FSCN1: variants seen among roughly 807,000 people sequenced by gnomAD.
FSCN1 encodes fascin actin-bundling protein 1, also known as fascin.
Under a neutral mutation model 39.7 loss-of-function variants are expected in FSCN1, and 10 were observed. The ratio of observed to expected loss-of-function variants is 0.25; its 90% CI spans 0.16 to 0.43. FSCN1 has a LOEUF of 0.43. FSCN1 is among the 20% of genes least tolerant of loss of function. The pLI, the probability that FSCN1 is intolerant of heterozygous loss-of-function variation, is 1.00. For missense variants in FSCN1, 525 were observed against 723.8 expected, an observed-to-expected ratio of 0.73 and a Z score of 3.15; for synonymous variants, 322 against 320.0, an observed-to-expected ratio of 1.01 and a Z score of -0.07.
intron 1 of FSCN1, among the ~76,000 whole-genome samples, chr7:5,596,279 A>AG (rs1207619952): frequency 6.6e-6 from 1 of 151,720 alleles, no homozygotes; most frequent in Non-Finnish European, 1.5e-5. Context: ...CTTAGCTGGC[A>AG]GGGGGGATGT....
Position 5,604,009 on chromosome 7 carries a change from G to T in FSCN1, c.1258G>T (p.Asp420Tyr), listed in dbSNP as rs369086654. The change falls in exon 4 of 5, where the codon GAT becomes TAT. Residue 420 changes from aspartate (D) to tyrosine (Y), a missense_variant. Transcript: ENST00000382361. ...TGACGTCTTCCAGCTGGAGTTCAAC[G>T]ATGGCGCCTACAACATCAAAGGCAG... The part of the protein sequence containing the change: ...SYDVFQLEFN[D>Y]GAYNIKDSTG... The T allele has an allele frequency of 6.2e-7, 1 of 1,613,592 alleles. No individual in the cohort carries two copies. Among genetic ancestry groups the T allele is most frequent in the African/African-American group, 1.3e-5 (1 of 74,920 alleles).
At position 5,603,154 on chromosome 7, in the gene FSCN1, G is replaced by A. The variant is rs909730341; in HGVS notation, c.833-103G>A. 1.9e-5 allele frequency: 25 copies of A among 1,346,224 alleles called. No individual in the cohort carries two copies. The highest frequency in any genetic ancestry group is 6.9e-5 in the East Asian group (3 of 43,512). The allele number at this position is 1,346,224 out of a possible 1,614,324, so 83.4% of individuals were successfully genotyped here. A position where few individuals can be genotyped will look rare whatever the true frequency, so the allele number is the denominator to read the frequency against. ...GGGACTCGGCCGCCCACCCCACCCC[G>A]TGGTGTTACCTTGCGTGTGTAGTTC... is the stretch of plus-strand genomic sequence containing the variant. On this transcript the variant is annotated intron_variant, in intron 1 of 4. Coordinates refer to ENST00000382361, the MANE Select transcript of FSCN1 (RefSeq NM_003088.4). The surrounding 1 kb of genome is among the most constrained non-coding windows in gnomAD (Gnocchi z 8.5).
At chr7:5,597,543 T>C (rs1785751984) in intron 1 of FSCN1, among the ~76,000 whole-genome samples, 1 of 151,842 alleles carries the variant, frequency 6.6e-6, no homozygotes, top group Admixed American at 6.6e-5. Flanking sequence ...GGCGCATGCC[T>C]GTAATCCCAG....
intron 1 of FSCN1, 122 bp downstream of exon 1, chr7:5,593,890 T>G (rs1785679213): frequency 2.9e-6 from 2 of 689,894 alleles, no homozygotes; most frequent in Non-Finnish European, 2.3e-6. Flanking sequence ...CACTGCCCAT[T>G]GCGCCCCCGC....
At chr7:5,596,770 A>G (rs1309803146) in intron 1 of FSCN1, among the ~76,000 whole-genome samples, 1 of 152,220 alleles carries the variant, frequency 6.6e-6, no homozygotes, top group Non-Finnish European at 1.5e-5. Context: ...GATGTGTAAG[A>G]GTTCTCCCCA....
chr7:5,605,575 C>T lies in FSCN1; in HGVS notation c.*101C>T, dbSNP rs1363571237. ...GGTGGGCTCCAGGGCGGGAGGCAAG[C>T]CCCCTTGCCTTTCAAACTGGAAACC... is the stretch of plus-strand genomic sequence containing the variant. On this transcript the variant is annotated 3_prime_UTR_variant, in exon 5 of 5. Transcript: ENST00000382361. This position sits in a 1 kb window ranked among gnomAD's most constrained non-coding sequence, Gnocchi z 6.9. The T allele has an allele frequency of 3.4e-6, 3 of 870,456 alleles. No individual in the cohort carries two copies. The highest frequency in any genetic ancestry group is 5.2e-6 in the Non-Finnish European group (3 of 579,706). The allele number at this position is 870,456 out of a possible 1,614,324, so 53.9% of individuals were successfully genotyped here.
At chr7:5,596,294 C>A (rs1437553446) in intron 1 of FSCN1, among the ~76,000 whole-genome samples, 1 of 152,168 alleles carries the variant, frequency 6.6e-6, no homozygotes, top group East Asian at 1.9e-4. Context: ...GGATGTGAAT[C>A]ATCTCTGCAG....
At position 5,603,228 on chromosome 7, in the gene FSCN1, A is replaced by G; in HGVS notation, c.833-29A>G. On this transcript the variant is annotated intron_variant, in intron 1 of 4. Coordinates refer to ENST00000382361, the MANE Select transcript of FSCN1 (RefSeq NM_003088.4). The surrounding 1 kb of genome is among the most constrained non-coding windows in gnomAD (Gnocchi z 8.5). Reference sequence around the variant, plus strand: ...CCAGAACTAGGGGGCGTGGGGCCCCAGTACCAGCCCAAGGCCTCCTCTCTG... The same window carrying G: ...CCAGAACTAGGGGGCGTGGGGCCCCGGTACCAGCCCAAGGCCTCCTCTCTG... The G allele has an allele frequency of 1.2e-6, 2 of 1,610,530 alleles. No individual in the cohort carries two copies. The highest frequency in any genetic ancestry group is 1.7e-6 in the Non-Finnish European group (2 of 1,179,522).
At chr7:5,600,219 C>T (rs970677048) in intron 1 of FSCN1, among the ~76,000 whole-genome samples, 8 of 152,008 alleles carry the variant, frequency 5.3e-5, no homozygotes, top group African/African-American at 1.7e-4. Flanking sequence ...TGAGACCGGC[C>T]TGGCCAACAT....
In FSCN1 at chr7:5,605,078, A is replaced by C. The variant is rs1267461057; in HGVS notation, c.1280-194A>C. Among the ~76,000 whole-genome samples, 1 of 152,156 alleles carries C rather than the reference A, an allele frequency of 6.6e-6. No individual in the cohort carries two copies. The highest frequency in any genetic ancestry group is 1.5e-5 in the Non-Finnish European group (1 of 68,032). On this transcript the variant is annotated intron_variant, in intron 4 of 4. Transcript: ENST00000382361. This position sits in a 1 kb window ranked among gnomAD's most constrained non-coding sequence, Gnocchi z 6.9. Reference sequence around the variant, plus strand: ...GTGAGCCACTGCGGCCGAGCAGAACACGTTCTAGGACCCTTGTTCATGTGT... The same window carrying C: ...GTGAGCCACTGCGGCCGAGCAGAACCCGTTCTAGGACCCTTGTTCATGTGT...
At position 5,593,588 on chromosome 7, in the gene FSCN1, T is replaced by C. The variant is rs1442596069; in HGVS notation, c.652T>C (p.Ser218Pro). 2 of 1,564,232 alleles carry C rather than the reference T, an allele frequency of 1.3e-6. No individual in the cohort carries two copies. The highest frequency in any genetic ancestry group is 1.7e-6 in the Non-Finnish European group (2 of 1,161,536). ...PATGYTLEFR[S>P]GKVAFRDCEG... The stretch of plus-strand genomic sequence containing the variant: ...CACTGGCTACACGCTGGAGTTCCGC[T>C]CCGGCAAGGTGGCCTTCCGCGACTG... Residue 218 changes from serine to proline, a missense_variant, in exon 1 of 5, where the codon TCC (serine) becomes CCC (proline). By Grantham distance (74) the Ser-to-Pro change is moderately conservative. This residue lies in a region of FSCN1 where 246 missense variants were observed against 350.6 expected (regional missense o/e 0.70). Coordinates refer to ENST00000382361, the MANE Select transcript of FSCN1 (RefSeq NM_003088.4).
rs1014445615 is a variant in FSCN1 at position 5,605,066 on chromosome 7, G to C, written c.1280-206G>C. On this transcript the variant is annotated intron_variant, in intron 4 of 4. Coordinates refer to ENST00000382361, the MANE Select transcript of FSCN1 (RefSeq NM_003088.4). This position sits in a 1 kb window ranked among gnomAD's most constrained non-coding sequence, Gnocchi z 6.9. Reference sequence around the variant, plus strand: ...GGGATTACAGGCGTGAGCCACTGCGGCCGAGCAGAACACGTTCTAGGACCC... The same window carrying C: ...GGGATTACAGGCGTGAGCCACTGCGCCCGAGCAGAACACGTTCTAGGACCC... Among the ~76,000 whole-genome samples the C allele has an allele frequency of 3.3e-5, 5 of 152,078 alleles. No homozygotes were observed. Among genetic ancestry groups the C allele is most frequent in the African/African-American group, 9.7e-5 (4 of 41,424 alleles).
rs376574679 is a variant in FSCN1 at position 5,605,511 on chromosome 7, G to A, written c.*37G>A. On this transcript the variant is annotated 3_prime_UTR_variant, in exon 5 of 5. Coordinates refer to ENST00000382361, the MANE Select transcript of FSCN1 (RefSeq NM_003088.4). This position sits in a 1 kb window ranked among gnomAD's most constrained non-coding sequence, Gnocchi z 6.9. ...CCTTCCCCGCCCCTGCCCACATGGC[G>A]GCTCCTGCCAACCCTCCCTGCTAAC... is the stretch of plus-strand genomic sequence containing the variant. 2.7e-4 allele frequency: 382 copies of A among 1,441,358 alleles called. No individual in the cohort carries two copies. In the Middle Eastern group the frequency reaches 3.1e-3, roughly 12 times the overall value. The allele number at this position is 1,441,358 out of a possible 1,614,324, so 89.3% of individuals were successfully genotyped here. A position where few individuals can be genotyped will look rare whatever the true frequency, so the allele number is the denominator to read the frequency against.
At chr7:5,602,110 T>TGGTCA (rs908733136) in intron 1 of FSCN1, among the ~76,000 whole-genome samples, 4 of 152,028 alleles carry the variant, frequency 2.6e-5, no homozygotes, top group African/African-American at 9.7e-5. Flanking sequence ...GACTCCATGT[T>TGGTCA]GGTCAGGCTG....
At position 5,603,956 on chromosome 7, in the gene FSCN1, G is replaced by A. The variant is rs766041318; in HGVS notation, c.1205G>A (p.Gly402Asp). 4 of 1,613,856 alleles carry A rather than the reference G, an allele frequency of 2.5e-6. No individual in the cohort carries two copies. The Admixed American group carries it at 6.7e-5, about 27-fold the overall frequency. Residue 402 changes from glycine (G) to aspartate (D), a missense_variant, in exon 4 of 5, where the codon GGC becomes GAC. Gly to Asp is a moderately conservative substitution (Grantham distance 94). Transcript: ENST00000382361. This position sits in a 1 kb window ranked among gnomAD's most constrained non-coding sequence, Gnocchi z 8.5. ...TTCATCGGCTGCCGCAAGGTCACGG[G>A]CACCCTGGACGCCAACCGCTCCAGC... is the stretch of plus-strand genomic sequence containing the variant. ...HGFIGCRKVTGTLDANRSSYD... is the reference protein window; with the variant it reads ...HGFIGCRKVTDTLDANRSSYD...
At chr7:5,597,047 G>C (rs967286291) in intron 1 of FSCN1, among the ~76,000 whole-genome samples, 12 of 152,202 alleles carry the variant, frequency 7.9e-5, no homozygotes, top group African/African-American at 2.9e-4. Flanking sequence ...AGCCACCACA[G>C]ACAGAATGGT....
chr7:5,594,223 C>A (rs1043960798), intron 1 of FSCN1, among the ~76,000 whole-genome samples: 4 of 152,224 alleles, frequency 2.6e-5, no homozygotes, highest in African/African-American at 9.6e-5. Context: ...GCGCCTCCAC[C>A]CCCACCGGCA....
At chr7:5,602,298 A>G (rs1392827915) in intron 1 of FSCN1, among the ~76,000 whole-genome samples, 1 of 151,836 alleles carries the variant, frequency 6.6e-6, no homozygotes, top group Admixed American at 6.6e-5. Context: ...TGGCCTCCCA[A>G]AAGGCTGGGA....
chr7:5,593,304 C>T lies in FSCN1; in HGVS notation c.368C>T (p.Ala123Val), dbSNP rs1179642651. ...ACCGAGGACCGCCTGTCCTGCTTCG[C>T]GCAGACGGTGTCCCCCGCCGAGAAG... The part of the protein sequence containing the change: ...GGTEDRLSCF[A>V]QTVSPAEKWS... The change falls in exon 1 of 5, where the codon GCG becomes GTG. Residue 123 changes from alanine (A) to valine (V), a missense_variant. Around this residue, in one of 3 missense-constraint regions of FSCN1, gnomAD observed 246 missense variants for 350.6 expected, o/e 0.70. Transcript: ENST00000382361. 1.2e-6 allele frequency: 2 copies of T among 1,610,854 alleles called. No individual in the cohort carries two copies. Among genetic ancestry groups the T allele is most frequent in the East Asian group, 2.2e-5 (1 of 44,842 alleles).
Sources: allele counts gnomAD v4.1 joint callset (sites outside exome capture counted in the v4.1 genomes callset), GRCh38; gene constraint gnomAD v4.1.1; regional missense constraint gnomAD v4.1.1; non-coding constraint Gnocchi (gnomAD v3.1); transcripts MANE v1.5; gene names NCBI Gene and HGNC (gene_info 2026-07-23, HGNC 2026-07-21).